DENND1B: variants seen among roughly 807,000 people sequenced by gnomAD.
DENND1B encodes the protein DENN domain-containing protein 1B.
In DENND1B, 59 loss-of-function variants were observed where a neutral mutation model predicts 90.1. The observed-to-expected ratio is 0.65, with a 90% CI of 0.53 to 0.81. The LOEUF is 0.81. DENND1B is among the 40% of genes least tolerant of loss of function. The pLI is 0.00. For synonymous variants in DENND1B, 337 were observed against 324.6 expected (o/e 1.04, Z -0.41); for missense variants, 862 against 912.6 (o/e 0.94, Z 0.71).
chr1:197,650,716 C>A (rs181976804), intron 7 of DENND1B, among the ~76,000 whole-genome samples: 3 of 152,098 alleles, frequency 2.0e-5, no homozygotes, highest in Non-Finnish European at 4.4e-5. Flanking sequence ...GCATTTGCAG[C>A]GACCTGGATG....
intron 2 of DENND1B, among the ~76,000 whole-genome samples, chr1:197,738,251 T>C (rs1662895563): frequency 2.0e-5 from 3 of 152,252 alleles, no homozygotes. Context: ...ATGCTGAATT[T>C]TGAATTTAAG....
upstream of DENND1B, among the ~76,000 whole-genome samples, chr1:197,777,364 G>A (rs1657322190): frequency 6.6e-6 from 1 of 152,084 alleles, no homozygotes; most frequent in Non-Finnish European, 1.5e-5. Context: ...TACATCGAGG[G>A]AAATACTACA....
chr1:197,578,694 A>G, intron 15 of DENND1B, among the ~76,000 whole-genome samples: 1 of 152,224 alleles, frequency 6.6e-6, no homozygotes, highest in East Asian at 1.9e-4. Flanking sequence ...GTCAATTAAA[A>G]TTTTTAAAAA....
chr1:197,646,964 G>T, intron 8 of DENND1B, 91 bp downstream of exon 8: 1 of 906,324 alleles, frequency 1.1e-6, no homozygotes, highest in Non-Finnish European at 1.6e-6. Context: ...TTTCCCAAAG[G>T]GCTGGAGTGA....
chr1:197,618,511 T>C (rs1312905579), intron 10 of DENND1B, among the ~76,000 whole-genome samples: 1 of 151,252 alleles, frequency 6.6e-6, no homozygotes, highest in Non-Finnish European at 1.5e-5. Context: ...GCCATTTTAA[T>C]TGTTTTGTTT....
At chr1:197,733,715 G>A (rs1203159474) in intron 2 of DENND1B, among the ~76,000 whole-genome samples, 1 of 152,190 alleles carries the variant, frequency 6.6e-6, no homozygotes, top group Non-Finnish European at 1.5e-5. Flanking sequence ...AGAAAATCCT[G>A]TCAAGCACTC....
At chr1:197,558,381 A>G (rs780728744) in intron 15 of DENND1B, among the ~76,000 whole-genome samples, 7 of 151,802 alleles carry the variant, frequency 4.6e-5, no homozygotes, top group Admixed American at 1.3e-4. Context: ...GATCAATGAC[A>G]TTATTCCCTC....
intron 15 of DENND1B, among the ~76,000 whole-genome samples, chr1:197,567,422 A>C (rs1672771484): frequency 6.6e-6 from 1 of 152,180 alleles, no homozygotes; most frequent in South Asian, 2.1e-4. Context: ...ACAAACATTT[A>C]AAGAATACCA....
chr1:197,714,617 A>G (rs1660457034), intron 3 of DENND1B, among the ~76,000 whole-genome samples: 1 of 152,136 alleles, frequency 6.6e-6, no homozygotes, highest in Non-Finnish European at 1.5e-5. Flanking sequence ...TACTACTGTG[A>G]CAAGGAGAGA....
chr1:197,732,463 T>C (rs993331354), intron 2 of DENND1B, among the ~76,000 whole-genome samples: 1 of 152,066 alleles, frequency 6.6e-6, no homozygotes, highest in Non-Finnish European at 1.5e-5. Context: ...ATGGTAAAAG[T>C]GAAACTGGGT....
chr1:197,766,784 T>C (rs1391059847), intron 2 of DENND1B, among the ~76,000 whole-genome samples: 1 of 152,074 alleles, frequency 6.6e-6, no homozygotes, highest in Non-Finnish European at 1.5e-5. Context: ...CTAGATCCAA[T>C]TTATTTTTAT....
chr1:197,668,079 A>G (rs1655122286), intron 5 of DENND1B, among the ~76,000 whole-genome samples: 1 of 152,204 alleles, frequency 6.6e-6, no homozygotes, highest in Non-Finnish European at 1.5e-5. Context: ...CTTAAAATAC[A>G]TATACATTTA....
At chr1:197,671,122 C>T (rs896327185) in intron 5 of DENND1B, among the ~76,000 whole-genome samples, 2 of 152,046 alleles carry the variant, frequency 1.3e-5, no homozygotes, top group African/African-American at 2.4e-5. Flanking sequence ...GATTTTATAC[C>T]AAAGTTTTCT....
chr1:197,650,933 A>G (rs764606035), intron 7 of DENND1B, among the ~76,000 whole-genome samples: 1 of 152,192 alleles, frequency 6.6e-6, no homozygotes, highest in Non-Finnish European at 1.5e-5. Context: ...TGCTAGAGTG[A>G]TGGGTGCACC....
chr1:197,752,332 A>C (rs1316794914), intron 2 of DENND1B, among the ~76,000 whole-genome samples: 1 of 151,956 alleles, frequency 6.6e-6, no homozygotes, highest in Non-Finnish European at 1.5e-5. Flanking sequence ...AATTACCAAA[A>C]CTGACACAAG....
In DENND1B at chr1:197,512,816, A is replaced by T. The variant is rs1027551542; in HGVS notation, c.1598+55T>A. The T allele has an allele frequency of 3.9e-6, 6 of 1,542,298 alleles. No homozygotes were observed. The African/African-American group carries it at 6.9e-5, about 18-fold the overall frequency. On this transcript the variant is annotated intron_variant, in intron 21 of 22. Coordinates refer to ENST00000620048, the MANE Select transcript of DENND1B (RefSeq NM_001195215.2). ...TCTTTGAAATACCCTTTATCACCAA[A>T]AACTTCTGCTGTTAAGCCATTCCAC...
At chr1:197,573,055 G>A (rs971144923) in intron 15 of DENND1B, among the ~76,000 whole-genome samples, 4 of 151,772 alleles carry the variant, frequency 2.6e-5, no homozygotes, top group East Asian at 1.9e-4. Flanking sequence ...TCTTGCTAGC[G>A]GTCTATCAAT....
At chr1:197,772,492 A>C (rs1158760228) in intron 2 of DENND1B, among the ~76,000 whole-genome samples, 3 of 152,184 alleles carry the variant, frequency 2.0e-5, no homozygotes, top group Non-Finnish European at 4.4e-5. Flanking sequence ...CACAATATTA[A>C]CACTTGCTTT....
chr1:197,627,089 T>C (rs1397677057), intron 10 of DENND1B, among the ~76,000 whole-genome samples: 1 of 152,172 alleles, frequency 6.6e-6, no homozygotes, highest in Non-Finnish European at 1.5e-5. Flanking sequence ...AGCCGAATTC[T>C]ACCAGAGGTA....
Sources: allele counts gnomAD v4.1 joint callset (sites outside exome capture counted in the v4.1 genomes callset), GRCh38; gene constraint gnomAD v4.1.1; transcripts MANE v1.5; gene names NCBI Gene and HGNC (gene_info 2026-07-23, HGNC 2026-07-21).